Variants in SOHLH2 observed in about 807,000 individuals in gnomAD.
SOHLH2 encodes the protein spermatogenesis and oogenesis specific basic helix-loop-helix 2.
SOHLH2 carries 22 observed loss-of-function variants against 50.4 expected under a neutral mutation model. That is an observed-to-expected ratio of 0.44 (90% CI 0.31 to 0.62). SOHLH2 has a LOEUF of 0.62. SOHLH2 is among the 20% of genes least tolerant of loss of function. SOHLH2 has a pLI of 0.08. For synonymous variants in SOHLH2, 185 were observed against 187.3 expected, an observed-to-expected ratio of 0.99 and a Z score of 0.10; for missense variants, 412 against 504.4, an observed-to-expected ratio of 0.82 and a Z score of 1.76.
At chr13:36,213,573 G>T (rs1260895413) in intron 1 of SOHLH2, among the ~76,000 whole-genome samples, 1 of 152,162 alleles carries the variant, frequency 6.6e-6, no homozygotes, top group African/African-American at 2.4e-5. Flanking sequence ...TTTCGCCTAC[G>T]CTTTCCTCCT....
chr13:36,179,043 C>A (rs1887176511), intron 6 of SOHLH2, among the ~76,000 whole-genome samples: 1 of 152,060 alleles, frequency 6.6e-6, no homozygotes, highest in African/African-American at 2.4e-5. Context: ...CCAATCATGC[C>A]ATCTACATAT....
chr13:36,170,562 C>A lies in SOHLH2; in HGVS notation c.1226G>T (p.Gly409Val), dbSNP rs1392114352. Residue 409 changes from glycine (G) to valine (V), a missense_variant, in exon 10 of 11, where the codon GGC becomes GTC. Physicochemically the swap from Gly to Val is moderately radical, Grantham distance 109. Coordinates refer to ENST00000379881, the MANE Select transcript of SOHLH2 (RefSeq NM_017826.3). ...GTTGGGATGTGTAGTGCACGTCTGG[C>A]CCAACCCAGAAGTGCAGTGCCGAGG... The part of the protein sequence containing the change: ...LLPRHCTSGL[G>V]QTCTTHPNCL... 1 of 1,614,018 alleles carries A rather than the reference C, an allele frequency of 6.2e-7. No homozygotes were observed.
chr13:36,214,263 G>A (rs1355887348), intron 1 of SOHLH2, among the ~76,000 whole-genome samples: 4 of 152,062 alleles, frequency 2.6e-5, no homozygotes, highest in African/African-American at 9.7e-5. Flanking sequence ...GGCACCCGGG[G>A]GCACCCTCAG....
At chr13:36,175,432 A>C (rs1481803105) in intron 6 of SOHLH2, among the ~76,000 whole-genome samples, 1 of 152,208 alleles carries the variant, frequency 6.6e-6, no homozygotes. Flanking sequence ...CCTTTACATG[A>C]GGTAGGTACA....
chr13:36,201,048 C>CAAAAAAAAAAAAAAAA (rs10660002), intron 2 of SOHLH2, among the ~76,000 whole-genome samples: 4 of 55,962 alleles, frequency 7.1e-5, no homozygotes, highest in Non-Finnish European at 9.6e-5. Context: ...GACTCTGCCT[C>CAAAAAAAAAAAAAAAA]AAAAAAAAAA....
chr13:36,191,509 T>G (rs558061323), intron 5 of SOHLH2, among the ~76,000 whole-genome samples: 1 of 152,198 alleles, frequency 6.6e-6, no homozygotes, highest in Non-Finnish European at 1.5e-5. Context: ...TAAATACCAC[T>G]GCGCTATTTA....
At chr13:36,208,402 A>G (rs1015874050) in intron 1 of SOHLH2, among the ~76,000 whole-genome samples, 1 of 152,160 alleles carries the variant, frequency 6.6e-6, no homozygotes, top group Non-Finnish European at 1.5e-5. Flanking sequence ...ATCCAATACT[A>G]TCATTTATTT....
At chr13:36,179,329 T>C (rs1414806597) in intron 6 of SOHLH2, among the ~76,000 whole-genome samples, 1 of 152,226 alleles carries the variant, frequency 6.6e-6, no homozygotes, top group Non-Finnish European at 1.5e-5. Context: ...TAATGGTATA[T>C]TGAGCATTGT....
intron 1 of SOHLH2, among the ~76,000 whole-genome samples, chr13:36,213,554 G>T (rs1201619095): frequency 6.6e-6 from 1 of 152,156 alleles, no homozygotes; most frequent in Non-Finnish European, 1.5e-5. Flanking sequence ...GCTTTCTGGC[G>T]TGGGGAGGTT....
chr13:36,184,752 C>A (rs2138286088), intron 6 of SOHLH2, among the ~76,000 whole-genome samples: 1 of 152,264 alleles, frequency 6.6e-6, no homozygotes, highest in South Asian at 2.1e-4. Flanking sequence ...GCCACTGCAC[C>A]CGCTCTACTT....
chr13:36,206,410 T>C (rs1225288441), intron 1 of SOHLH2, among the ~76,000 whole-genome samples: 1 of 152,114 alleles, frequency 6.6e-6, no homozygotes, highest in African/African-American at 2.4e-5. Flanking sequence ...GATAGTTCCA[T>C]TTTAATCTAA....
chr13:36,196,855 C>T (rs1043015694), intron 2 of SOHLH2, among the ~76,000 whole-genome samples: 11 of 152,128 alleles, frequency 7.2e-5, no homozygotes, highest in Non-Finnish European at 1.5e-4. Flanking sequence ...ACCAAACACA[C>T]ACTCCCCCTG....
At chr13:36,200,217 T>C (rs1276209600) in intron 2 of SOHLH2, among the ~76,000 whole-genome samples, 1 of 152,016 alleles carries the variant, frequency 6.6e-6, no homozygotes, top group Non-Finnish European at 1.5e-5. Flanking sequence ...TTATGATGAG[T>C]TCCCAGCCAA....
intron 1 of SOHLH2, among the ~76,000 whole-genome samples, chr13:36,208,119 TAATA>T: frequency 6.6e-6 from 1 of 152,308 alleles, no homozygotes; most frequent in East Asian, 1.9e-4. Context: ...TCACAGTAAT[TAATA>T]AATATGTTAG....
intron 7 of SOHLH2, 50 bp from the exon 8 acceptor site, chr13:36,174,617 A>G: frequency 6.2e-7 from 1 of 1,610,462 alleles, no homozygotes; most frequent in Non-Finnish European, 8.5e-7. Flanking sequence ...TTTTACATAG[A>G]TACAAAGACA....
chr13:36,198,610 A>T (rs1026197928), intron 2 of SOHLH2, among the ~76,000 whole-genome samples: 6 of 152,214 alleles, frequency 3.9e-5, no homozygotes, highest in Admixed American at 3.9e-4. Context: ...TTCTTGAGAA[A>T]GTCTGTAAAG....
At chr13:36,204,640 G>C (rs189387581) in intron 1 of SOHLH2, among the ~76,000 whole-genome samples, 1 of 152,092 alleles carries the variant, frequency 6.6e-6, no homozygotes, top group Admixed American at 6.6e-5. Context: ...CTGATCCACT[G>C]ATCTATTTGC....
At chr13:36,190,360 C>T (rs1382569874) in intron 5 of SOHLH2, among the ~76,000 whole-genome samples, 1 of 152,044 alleles carries the variant, frequency 6.6e-6, no homozygotes, top group African/African-American at 2.4e-5. Context: ...TATGACTACA[C>T]CATATTATAT....
At chr13:36,196,880 C>A (rs7327064) in intron 2 of SOHLH2, among the ~76,000 whole-genome samples, 1 of 152,034 alleles carries the variant, frequency 6.6e-6, no homozygotes, top group Non-Finnish European at 1.5e-5. Flanking sequence ...ATAGGGAACT[C>A]CTGCAATCGA....
Sources: gnomAD v4.1 joint callset for allele counts (sites outside exome capture counted in the v4.1 genomes callset) on GRCh38, gnomAD v4.1.1 for gene constraint, MANE v1.5 for transcripts, NCBI Gene and HGNC (gene_info 2026-07-23, HGNC 2026-07-21) for gene names.